ELAVL2: variants seen among roughly 807,000 people sequenced by gnomAD.
The protein encoded by ELAVL2 is ELAV like RNA binding protein 2.
Under a neutral mutation model 34.6 loss-of-function variants are expected in ELAVL2, and 4 were observed. The ratio of observed to expected loss-of-function variants is 0.12; its 90% CI spans 0.06 to 0.26. ELAVL2 has a LOEUF of 0.26. Among genes scored for constraint, ELAVL2 ranks in the 10% least tolerant of loss-of-function variants. ELAVL2 has a pLI of 1.00. For synonymous variants in ELAVL2, 193 were observed against 154.8 expected, an observed-to-expected ratio of 1.25 and a Z score of -1.83; for missense variants, 432 against 442.8, an observed-to-expected ratio of 0.98 and a Z score of 0.22.
intron 1 of ELAVL2, among the ~76,000 whole-genome samples, chr9:23,824,955 G>A (rs1210519925): frequency 6.6e-6 from 1 of 152,118 alleles, no homozygotes; most frequent in Admixed American, 6.5e-5. Flanking sequence ...GAAGTCAGCC[G>A]CGTAGGACCA....
chr9:23,814,388 C>T (rs144025921), intron 1 of ELAVL2, among the ~76,000 whole-genome samples: 2 of 152,190 alleles, frequency 1.3e-5, no homozygotes, highest in East Asian at 3.9e-4. Context: ...AAGCACAAGG[C>T]TAAAAGGATA....
chr9:23,753,400 G>T (rs145151369), intron 2 of ELAVL2, among the ~76,000 whole-genome samples: 1 of 151,804 alleles, frequency 6.6e-6, no homozygotes, highest in Admixed American at 6.6e-5. Context: ...AAAGTGCTTC[G>T]GTCTATTCTG....
chr9:23,694,810 A>T (rs2034523641), intron 5 of ELAVL2, among the ~76,000 whole-genome samples: 1 of 152,204 alleles, frequency 6.6e-6, no homozygotes, highest in Non-Finnish European at 1.5e-5. Context: ...AAGTGTAAGG[A>T]AACAGAACAG....
At chr9:23,752,589 G>C (rs1000354859) in intron 2 of ELAVL2, among the ~76,000 whole-genome samples, 1 of 151,916 alleles carries the variant, frequency 6.6e-6, no homozygotes, top group African/African-American at 2.4e-5. Flanking sequence ...TGAAGAGCTG[G>C]GATTACAGGC....
chr9:23,735,223 T>C (rs1362538850), intron 2 of ELAVL2: 1 of 151,790 alleles, frequency 6.6e-6, no homozygotes, highest in African/African-American at 2.4e-5. Flanking sequence ...TCCTCAGCTA[T>C]TCTCAGAAGC....
intron 1 of ELAVL2, among the ~76,000 whole-genome samples, chr9:23,787,879 G>GT (rs1481051514): frequency 3.3e-5 from 5 of 152,172 alleles, no homozygotes; most frequent in African/African-American, 9.7e-5. Context: ...CAGAGACTGG[G>GT]GAATTCATCC....
chr9:23,765,401 A>T (rs941640820), intron 1 of ELAVL2, among the ~76,000 whole-genome samples: 5 of 152,190 alleles, frequency 3.3e-5, no homozygotes, highest in Non-Finnish European at 7.3e-5. Flanking sequence ...AAAATAAAGT[A>T]AAATAAAGCA....
At chr9:23,808,656 T>TA (rs2062568127) in intron 1 of ELAVL2, among the ~76,000 whole-genome samples, 1 of 152,174 alleles carries the variant, frequency 6.6e-6, no homozygotes, top group Non-Finnish European at 1.5e-5. Context: ...TGGCTACTAA[T>TA]AAAAACTTTA....
intron 3 of ELAVL2, among the ~76,000 whole-genome samples, chr9:23,708,409 A>G (rs955526800): frequency 1.3e-5 from 2 of 152,192 alleles, no homozygotes; most frequent in African/African-American, 4.8e-5. Context: ...AACATGCCTA[A>G]GGTTATACAC....
chr9:23,839,625 A>G, the ELAVL2 span, among the ~76,000 whole-genome samples: 1 of 152,272 alleles, frequency 6.6e-6, no homozygotes, highest in South Asian at 2.1e-4. Flanking sequence ...ATGATTTTAC[A>G]CAATTATTAA....
intron 1 of ELAVL2, among the ~76,000 whole-genome samples, chr9:23,765,895 A>G (rs2056144584): frequency 6.6e-6 from 1 of 152,154 alleles, no homozygotes; most frequent in Non-Finnish European, 1.5e-5. Context: ...GAGGCCTCCA[A>G]TATAGTTAAT....
chr9:23,719,009 A>C (rs1407391273), intron 3 of ELAVL2, among the ~76,000 whole-genome samples: 1 of 152,206 alleles, frequency 6.6e-6, no homozygotes, highest in East Asian at 1.9e-4. Context: ...GTTTTTAAGG[A>C]AAACATGGAC....
chr9:23,752,571 C>T (rs1413103042), intron 2 of ELAVL2, among the ~76,000 whole-genome samples: 3 of 151,952 alleles, frequency 2.0e-5, no homozygotes, highest in African/African-American at 7.2e-5. Flanking sequence ...TCTCCTGTCT[C>T]AGCCTCCTGA....
At chr9:23,814,783 C>G (rs1487618918) in intron 1 of ELAVL2, among the ~76,000 whole-genome samples, 1 of 152,126 alleles carries the variant, frequency 6.6e-6, no homozygotes. Flanking sequence ...CATATCACCT[C>G]CAATAAAGCA....
intron 5 of ELAVL2, among the ~76,000 whole-genome samples, chr9:23,700,774 T>G (rs2036915491): frequency 6.6e-6 from 1 of 152,098 alleles, no homozygotes; most frequent in African/African-American, 2.4e-5. Context: ...TGTAGAAACT[T>G]CACGTAGTCA....
chr9:23,765,789 G>A (rs564230964), intron 1 of ELAVL2, among the ~76,000 whole-genome samples: 136 of 152,226 alleles, frequency 8.9e-4, no homozygotes, highest in African/African-American at 3.1e-3. Context: ...AGTAATGCTC[G>A]CATAGGATGT....
intron 2 of ELAVL2, among the ~76,000 whole-genome samples, chr9:23,731,829 GA>G (rs954769646): frequency 1.3e-5 from 2 of 151,908 alleles, no homozygotes; most frequent in African/African-American, 4.8e-5. Flanking sequence ...AATAACAGGA[GA>G]AAAAAAGTCT....
At chr9:23,712,609 T>A (rs2041273538) in intron 3 of ELAVL2, among the ~76,000 whole-genome samples, 1 of 152,164 alleles carries the variant, frequency 6.6e-6, no homozygotes. Context: ...AATTAAAACG[T>A]ACCAACCTAC....
At chr9:23,706,652 A>T (rs767605120) in intron 3 of ELAVL2, among the ~76,000 whole-genome samples, 2 of 152,192 alleles carry the variant, frequency 1.3e-5, no homozygotes, top group East Asian at 3.8e-4. Context: ...AAAATGGTCA[A>T]TGTGTCTGGG....
Sources: allele counts gnomAD v4.1 joint callset (sites outside exome capture counted in the v4.1 genomes callset), GRCh38; gene constraint gnomAD v4.1.1; transcripts MANE v1.5; gene names NCBI Gene and HGNC (gene_info 2026-07-23, HGNC 2026-07-21).